CEP112: variants seen among roughly 807,000 people sequenced by gnomAD.
CEP112 encodes centrosomal protein 112, also known as centrosomal protein of 112 kDa.
Under a neutral mutation model 153.0 loss-of-function variants are expected in CEP112, and 127 were observed. The ratio of observed to expected loss-of-function variants is 0.83; its 90% CI spans 0.72 to 0.96. The LOEUF (loss-of-function observed/expected upper bound fraction) is 0.96. CEP112 is among the 40% of genes least tolerant of loss of function. CEP112 has a pLI of 0.00. For synonymous variants in CEP112, 358 were observed against 374.4 expected (o/e 0.96, Z 0.51); for missense variants, 1,089 against 1,101.2 (o/e 0.99, Z 0.16).
chr17:66,172,382 T>C (rs1033348955), intron 4 of CEP112, among the ~76,000 whole-genome samples: 11 of 152,194 alleles, frequency 7.2e-5, no homozygotes, highest in African/African-American at 2.7e-4. Context: ...ATAAGGCTTT[T>C]TTCACGTTGC....
chr17:65,965,549 G>T (rs1272205662), intron 17 of CEP112, among the ~76,000 whole-genome samples: 1 of 144,054 alleles, frequency 6.9e-6, no homozygotes, highest in East Asian at 2.0e-4. Flanking sequence ...TTGAGACAGG[G>T]TATTGCTCTG....
At chr17:66,031,660 C>T (rs967891549) in intron 12 of CEP112, among the ~76,000 whole-genome samples, 1 of 151,784 alleles carries the variant, frequency 6.6e-6, no homozygotes, top group Non-Finnish European at 1.5e-5. Flanking sequence ...TGGGGTCTCA[C>T]TATGTTGGCC....
intron 23 of CEP112, among the ~76,000 whole-genome samples, chr17:65,733,337 AAC>A (rs1482181867): frequency 6.6e-6 from 1 of 152,200 alleles, no homozygotes; most frequent in Non-Finnish European, 1.5e-5. Context: ...AGATCACCAT[AAC>A]AGATATAATA....
At chr17:65,775,521 A>G (rs548252069) in intron 21 of CEP112, among the ~76,000 whole-genome samples, 25 of 150,864 alleles carry the variant, frequency 1.7e-4, no homozygotes, top group Non-Finnish European at 2.7e-4. Context: ...TTTTTTTTTG[A>G]GATGGAGTCT....
At chr17:66,003,418 A>C (rs1037022675) in intron 17 of CEP112, among the ~76,000 whole-genome samples, 1 of 152,190 alleles carries the variant, frequency 6.6e-6, no homozygotes, top group Non-Finnish European at 1.5e-5. Context: ...TCCTAATATC[A>C]CACTGAAACG....
chr17:66,026,717 C>T (rs1036028133), intron 16 of CEP112, among the ~76,000 whole-genome samples: 10 of 152,190 alleles, frequency 6.6e-5, no homozygotes, highest in Admixed American at 5.9e-4. Context: ...ATATAACCTA[C>T]ACACATCCTC....
intron 4 of CEP112, among the ~76,000 whole-genome samples, chr17:66,172,994 A>C (rs1456954561): frequency 6.6e-6 from 1 of 152,164 alleles, no homozygotes; most frequent in Non-Finnish European, 1.5e-5. Context: ...CCTGGGCCCA[A>C]GCTAACCTCC....
chr17:66,078,245 T>C (rs77141155), intron 8 of CEP112, among the ~76,000 whole-genome samples: 1,406 of 113,774 alleles, frequency 0.012, 20 homozygotes, highest in African/African-American at 0.038. Context: ...TCTTTTTTTT[T>C]TCTTTTCTTT....
At chr17:66,117,105 A>T (rs2069336207) in intron 6 of CEP112, among the ~76,000 whole-genome samples, 2 of 152,138 alleles carry the variant, frequency 1.3e-5, no homozygotes, top group African/African-American at 4.8e-5. Context: ...CATGTTGGCC[A>T]GGATGGTCTG....
intron 20 of CEP112, among the ~76,000 whole-genome samples, chr17:65,879,376 A>T (rs1056430566): frequency 1.3e-5 from 2 of 152,236 alleles, no homozygotes; most frequent in Admixed American, 6.5e-5. Context: ...GAACCTCCAG[A>T]AGGAGCCAAG....
chr17:65,744,454 C>T (rs529613202), intron 22 of CEP112, among the ~76,000 whole-genome samples: 1 of 151,894 alleles, frequency 6.6e-6, no homozygotes, highest in South Asian at 2.1e-4. Flanking sequence ...ACCATATTGG[C>T]CAGACTGGTC....
At chr17:65,983,851 C>G (rs2063311859) in intron 17 of CEP112, among the ~76,000 whole-genome samples, 1 of 152,136 alleles carries the variant, frequency 6.6e-6, no homozygotes, top group South Asian at 2.1e-4. Flanking sequence ...TTTTCCTGAC[C>G]AGTCTAACAG....
rs188993882 is a variant in CEP112 at position 65,841,132 on chromosome 17, G to C, written c.2394+10672C>G. On this transcript the variant is annotated intron_variant, in intron 21 of 26. Transcript: ENST00000535342. Reference sequence around the variant, plus strand: ...TAAAAATAATCTAGCATATAACCCAGCAATTCCACTGCTGAATATATATCC... The same window carrying C: ...TAAAAATAATCTAGCATATAACCCACCAATTCCACTGCTGAATATATATCC... Among the ~76,000 whole-genome samples the C allele has an allele frequency of 8.9e-4, 135 of 152,096 alleles. 1 individual carries two copies. Among genetic ancestry groups the C allele is most frequent in the African/African-American group, 3.2e-3 (133 of 41,542 alleles).
chr17:66,027,729 G>T (rs1215674720), intron 15 of CEP112, among the ~76,000 whole-genome samples, 169 bp from the exon 16 acceptor site: 1 of 152,034 alleles, frequency 6.6e-6, no homozygotes, highest in Non-Finnish European at 1.5e-5. Flanking sequence ...TTTGTATTAC[G>T]AGGCATAAAA....
intron 21 of CEP112, among the ~76,000 whole-genome samples, chr17:65,752,541 T>C (rs958603961): frequency 3.9e-5 from 6 of 152,188 alleles, no homozygotes; most frequent in Non-Finnish European, 7.3e-5. Flanking sequence ...CCTGAGGCCC[T>C]TTCTCATTCC....
At chr17:65,660,159 A>C (rs1055673655) in intron 24 of CEP112, among the ~76,000 whole-genome samples, 1 of 129,952 alleles carries the variant, frequency 7.7e-6, no homozygotes. Flanking sequence ...CTGATTGGAG[A>C]CTAATATACC....
intron 24 of CEP112, among the ~76,000 whole-genome samples, chr17:65,642,791 A>T (rs1170026813): frequency 1.3e-5 from 2 of 152,202 alleles, no homozygotes; most frequent in South Asian, 2.1e-4. Context: ...GGTAACATTT[A>T]TTGAGGGTTC....
intron 6 of CEP112, among the ~76,000 whole-genome samples, chr17:66,112,617 G>T (rs2069109098): frequency 6.6e-6 from 1 of 151,998 alleles, no homozygotes; most frequent in Non-Finnish European, 1.5e-5. Context: ...ACCTCAACAT[G>T]GTACCAGAGA....
chr17:65,651,360 A>G (rs1431169124), intron 24 of CEP112, among the ~76,000 whole-genome samples: 1 of 152,182 alleles, frequency 6.6e-6, no homozygotes, highest in Non-Finnish European at 1.5e-5. Flanking sequence ...GGTTGGTTCC[A>G]CGTTTATGCA....
Sources: gnomAD v4.1 joint callset for allele counts (sites outside exome capture counted in the v4.1 genomes callset) on GRCh38, gnomAD v4.1.1 for gene constraint, MANE v1.5 for transcripts, NCBI Gene and HGNC (gene_info 2026-07-23, HGNC 2026-07-21) for gene names.